The following KIF13B variants were observed in gnomAD, a reference collection of about 807,000 sequenced individuals.
The protein encoded by KIF13B is kinesin family member 13B.
A neutral mutation model predicts 222.0 loss-of-function variants in KIF13B; 127 were observed. The ratio of observed to expected loss-of-function variants is 0.57; its 90% CI spans 0.50 to 0.66. KIF13B has a LOEUF of 0.66. Ranked by LOEUF, KIF13B falls within the 30% of genes least tolerant of loss-of-function variation. The probability of loss-of-function intolerance (pLI) is 0.00; values close to 1 mark genes in which losing one functional copy is unlikely to be tolerated. For missense variants in KIF13B, 2,173 were observed against 2,379.0 expected (o/e 0.91, Z 1.80); for synonymous variants, 976 against 919.0 (o/e 1.06, Z -1.12).
At chr8:29,145,235 A>G (rs1413110756) in intron 18 of KIF13B, among the ~76,000 whole-genome samples, 1 of 151,912 alleles carries the variant, frequency 6.6e-6, no homozygotes, top group Non-Finnish European at 1.5e-5. Flanking sequence ...CGATCATATC[A>G]TATTTACAAT....
At chr8:29,195,371 T>C (rs1296355307) in intron 3 of KIF13B, among the ~76,000 whole-genome samples, 2 of 152,216 alleles carry the variant, frequency 1.3e-5, no homozygotes, top group Non-Finnish European at 2.9e-5. Context: ...TGATGTTTTA[T>C]ACTGACAGGG....
rs986736665 is a variant in KIF13B at position 29,113,608 on chromosome 8, A to T, written c.3838-53T>A. 4.7e-6 allele frequency: 5 copies of T among 1,073,690 alleles called. No individual in the cohort carries two copies. In the Admixed American group the frequency reaches 1.1e-4, roughly 23 times the overall value. The allele number at this position is 1,073,690 out of a possible 1,614,324, so 66.5% of individuals were successfully genotyped here. A position where few individuals can be genotyped will look rare whatever the true frequency, so the allele number is the denominator to read the frequency against. On this transcript the variant is annotated intron_variant, in intron 31 of 39. Transcript: ENST00000524189. ...GTTTCCCACCTGAAAAACTGAGTTT[A>T]CATTAACAAAAGACAGCATGGAAAA... is the stretch of plus-strand genomic sequence containing the variant.
At chr8:29,102,709 C>T (rs1390371185) in intron 35 of KIF13B, among the ~76,000 whole-genome samples, 2 of 152,212 alleles carry the variant, frequency 1.3e-5, no homozygotes, top group Non-Finnish European at 2.9e-5. Flanking sequence ...TGGCAGCTTT[C>T]ACTGCAGCTG....
intron 37 of KIF13B, among the ~76,000 whole-genome samples, chr8:29,076,370 G>A (rs558110779): frequency 3.9e-5 from 6 of 152,304 alleles, no homozygotes; most frequent in Admixed American, 1.3e-4. Flanking sequence ...GTGGCTGCTC[G>A]GTTACTGAAC....
rs75072185 is a variant in KIF13B at position 29,101,009 on chromosome 8, C to G, written c.4216-1768G>C. Reference sequence around the variant, plus strand: ...TCCTTTTTAAAAATGGTGTGATGGTCAGGATTGATTAGGAAGCAAGGAGAA... The same window carrying G: ...TCCTTTTTAAAAATGGTGTGATGGTGAGGATTGATTAGGAAGCAAGGAGAA... On this transcript the variant is annotated intron_variant, in intron 35 of 39. Transcript: ENST00000524189. Among the ~76,000 whole-genome samples the G allele has an allele frequency of 5.7e-3, 869 of 152,212 alleles. 5 individuals carry two copies. Among genetic ancestry groups the G allele is most frequent in the African/African-American group, 0.02 (844 of 41,508 alleles).
intron 2 of KIF13B, among the ~76,000 whole-genome samples, chr8:29,217,576 G>T (rs184792538): frequency 6.6e-6 from 1 of 152,308 alleles, no homozygotes; most frequent in African/African-American, 2.4e-5. Flanking sequence ...ACTGATCCTT[G>T]TGATAATCTC....
intron 35 of KIF13B, among the ~76,000 whole-genome samples, chr8:29,106,222 C>G (rs1181112059): frequency 6.6e-6 from 1 of 152,208 alleles, no homozygotes; most frequent in Non-Finnish European, 1.5e-5. Context: ...AGCACACTTA[C>G]AGAAACCCGT....
intron 37 of KIF13B, among the ~76,000 whole-genome samples, chr8:29,080,321 C>A (rs1807745263): frequency 1.1e-5 from 1 of 88,016 alleles, no homozygotes. Context: ...GAGTGAGACC[C>A]AGTCTCAAAA....
At chr8:29,191,265 T>G (rs1813171323) in intron 3 of KIF13B, among the ~76,000 whole-genome samples, 1 of 152,216 alleles carries the variant, frequency 6.6e-6, no homozygotes, top group African/African-American at 2.4e-5. Flanking sequence ...TCACAAAATG[T>G]GTAATAAAAT....
intron 3 of KIF13B, among the ~76,000 whole-genome samples, chr8:29,195,600 T>C (rs1256140150): frequency 2.6e-5 from 4 of 152,186 alleles, no homozygotes; most frequent in Non-Finnish European, 5.9e-5. Flanking sequence ...TCCAAGTAAC[T>C]TCATGGTCAG....
In KIF13B at chr8:29,228,466, T is replaced by TAAAAAAAA. The variant is rs71551621; in HGVS notation, c.149+16879_149+16880insTTTTTTTT. Among the ~76,000 whole-genome samples, 262 of 68,264 alleles carry TAAAAAAAA rather than the reference T, an allele frequency of 3.8e-3. 8 individuals carry two copies. Among genetic ancestry groups the TAAAAAAAA allele is most frequent in the African/African-American group, 0.013 (252 of 19,296 alleles). The allele number at this position is 68,264 out of a possible 152,430, so 44.8% of individuals were successfully genotyped here. ...TGGGTGACAGAGCCAGACTCCATCT[T>TAAAAAAAA]AAAAAAATATATATATATATATATG... On this transcript the variant is annotated intron_variant, in intron 2 of 39. Coordinates refer to ENST00000524189, the MANE Select transcript of KIF13B (RefSeq NM_015254.4).
intron 29 of KIF13B, among the ~76,000 whole-genome samples, chr8:29,122,110 C>T (rs1326753443): frequency 9.2e-5 from 14 of 151,962 alleles, no homozygotes; most frequent in Admixed American, 2.0e-4. Context: ...AAAAATTAGC[C>T]GGGCGTGGTG....
chr8:29,093,085 C>G (rs1240244977), intron 36 of KIF13B, among the ~76,000 whole-genome samples: 1 of 152,136 alleles, frequency 6.6e-6, no homozygotes, highest in Non-Finnish European at 1.5e-5. Context: ...ATAGCAGTAA[C>G]TGGGGTGCTG....
At position 29,109,959 on chromosome 8, in the gene KIF13B, G is replaced by A. The variant is rs1809277776; in HGVS notation, c.4042C>T (p.Leu1348=). The A allele has an allele frequency of 6.2e-7, 1 of 1,613,212 alleles. No homozygotes were observed. The highest frequency in any genetic ancestry group is 1.1e-5 in the South Asian group (1 of 90,846). The change falls in exon 33 of 40, where the codon CTG becomes TTG. Residue 1348 remains leucine, a synonymous_variant. Transcript: ENST00000524189. ...AAAGTCAGGAGGTTTTCTACAGCCA[G>A]CACGCTCCTGAGGTACTTTTCAATA... ...AYIEKYLRSV[L]AVENLLTLDR...
chr8:29,131,072 G>A (rs1810321117), intron 23 of KIF13B, among the ~76,000 whole-genome samples: 1 of 152,102 alleles, frequency 6.6e-6, no homozygotes. Context: ...TGCAGAAATA[G>A]AAAAGCAAAA....
At chr8:29,224,751 C>T (rs1031846914) in intron 2 of KIF13B, among the ~76,000 whole-genome samples, 8 of 152,040 alleles carry the variant, frequency 5.3e-5, no homozygotes, top group Admixed American at 2.0e-4. Flanking sequence ...ACCTCATCCA[C>T]CCTGGAGTGT....
intron 1 of KIF13B, among the ~76,000 whole-genome samples, chr8:29,260,606 T>A (rs1306376115): frequency 6.6e-6 from 1 of 150,850 alleles, no homozygotes; most frequent in African/African-American, 2.4e-5. Context: ...GAAAGAAATA[T>A]GGTTTTGTTT....
chr8:29,190,906 TG>T (rs35695727), intron 4 of KIF13B, 90 bp downstream of exon 4: 9 of 933,004 alleles, frequency 9.6e-6, no homozygotes, highest in Non-Finnish European at 1.6e-5. Flanking sequence ...ACACACAGTT[TG>T]GGGGGTTTGC....
intron 37 of KIF13B, among the ~76,000 whole-genome samples, chr8:29,083,964 G>A (rs1807925989): frequency 6.6e-6 from 1 of 152,166 alleles, no homozygotes. Context: ...ACCCAGGCTG[G>A]AGTGTGGTGG....
Sources: allele counts gnomAD v4.1 joint callset (sites outside exome capture counted in the v4.1 genomes callset), GRCh38; gene constraint gnomAD v4.1.1; transcripts MANE v1.5; gene names NCBI Gene and HGNC (gene_info 2026-07-23, HGNC 2026-07-21).